RSPO2: variants seen among roughly 807,000 people sequenced by gnomAD.
The protein encoded by RSPO2 is R-spondin 2, also known as R-spondin-2.
A neutral mutation model predicts 30.9 loss-of-function variants in RSPO2; 14 were observed. That is an observed-to-expected ratio of 0.45 (90% CI 0.30 to 0.71). The LOEUF is 0.71. Ranked by LOEUF, RSPO2 falls within the 30% of genes least tolerant of loss-of-function variation. RSPO2 has a pLI of 0.08. For missense variants in RSPO2, 264 were observed against 301.9 expected (o/e 0.87, Z 0.93); for synonymous variants, 107 against 96.4 (o/e 1.11, Z -0.64).
chr8:107,926,429 G>T (rs369962799), intron 5 of RSPO2, among the ~76,000 whole-genome samples: 3 of 151,998 alleles, frequency 2.0e-5, no homozygotes, highest in South Asian at 2.1e-4. Context: ...GTCAATTTTG[G>T]CTTTTGTTGC....
intron 5 of RSPO2, among the ~76,000 whole-genome samples, chr8:107,918,449 C>T (rs947787425): frequency 6.6e-6 from 1 of 152,140 alleles, no homozygotes; most frequent in Admixed American, 6.5e-5. Context: ...AAAGTTGACT[C>T]AGAGTCACTA....
intron 2 of RSPO2, among the ~76,000 whole-genome samples, chr8:108,049,674 T>A (rs1812019759): frequency 6.6e-6 from 1 of 151,956 alleles, no homozygotes; most frequent in Non-Finnish European, 1.5e-5. Flanking sequence ...TGTTCCTGTG[T>A]TAATTTGCTG....
At chr8:108,075,728 A>G (rs1308625243) in intron 2 of RSPO2, among the ~76,000 whole-genome samples, 1 of 151,930 alleles carries the variant, frequency 6.6e-6, no homozygotes, top group Non-Finnish European at 1.5e-5. Flanking sequence ...AAATAATGAG[A>G]ATACCCATAA....
intron 5 of RSPO2, among the ~76,000 whole-genome samples, chr8:107,925,693 T>C (rs1156748040): frequency 6.6e-6 from 1 of 152,062 alleles, no homozygotes; most frequent in Non-Finnish European, 1.5e-5. Flanking sequence ...CTGAGAATGA[T>C]GGTTTCCAGC....
intron 5 of RSPO2, among the ~76,000 whole-genome samples, chr8:107,918,223 A>G (rs1812038708): frequency 6.6e-6 from 1 of 152,190 alleles, no homozygotes; most frequent in African/African-American, 2.4e-5. Flanking sequence ...ATTGAGTAAA[A>G]TATACTCCTA....
intron 2 of RSPO2, among the ~76,000 whole-genome samples, chr8:108,059,722 AATC>A (rs577055552): frequency 0.03 from 4,514 of 150,138 alleles, 261 homozygotes; most frequent in African/African-American, 0.098. Flanking sequence ...TGAAACTGGA[AATC>A]ATCATTCTCA....
rs533171188 is a variant in RSPO2 at position 108,075,504 on chromosome 8, C to T, written c.94+7041G>A. On this transcript the variant is annotated intron_variant, in intron 2 of 5. Coordinates refer to ENST00000276659, the MANE Select transcript of RSPO2 (RefSeq NM_178565.5). ...TCAAAAAAAAAAAAAAGGGTTACCCCACTACCACCAGTTTTCCCTACCATA... is the reference window on the plus strand; with the variant it reads ...TCAAAAAAAAAAAAAAGGGTTACCCTACTACCACCAGTTTTCCCTACCATA... Among the ~76,000 whole-genome samples the T allele has an allele frequency of 2.2e-4, 33 of 151,606 alleles. No individual in the cohort carries two copies. In the South Asian group the frequency reaches 6.9e-3, roughly 32 times the overall value.
intron 3 of RSPO2, among the ~76,000 whole-genome samples, chr8:107,979,035 G>A (rs1295048959): frequency 6.6e-6 from 1 of 152,088 alleles, no homozygotes; most frequent in Non-Finnish European, 1.5e-5. Context: ...GAAACAACAG[G>A]TGCTGGAGAG....
intron 5 of RSPO2, among the ~76,000 whole-genome samples, chr8:107,949,125 T>C (rs1396669382): frequency 1.3e-5 from 2 of 152,096 alleles, no homozygotes; most frequent in Non-Finnish European, 2.9e-5. Flanking sequence ...CCAAGAAGTG[T>C]ACACTGTACT....
At chr8:107,996,537 G>T (rs776117042) in intron 2 of RSPO2, among the ~76,000 whole-genome samples, 3 of 152,162 alleles carry the variant, frequency 2.0e-5, no homozygotes, top group Non-Finnish European at 4.4e-5. Flanking sequence ...AATAAAAGGA[G>T]ATTCTGGAAG....
chr8:108,031,401 TA>T (rs1811418415), intron 2 of RSPO2, among the ~76,000 whole-genome samples: 1 of 152,210 alleles, frequency 6.6e-6, no homozygotes, highest in Admixed American at 6.5e-5. Context: ...ACCAACTTTT[TA>T]AAAAATTGTA....
At chr8:108,003,104 T>G (rs1196224339) in intron 2 of RSPO2, among the ~76,000 whole-genome samples, 2 of 147,812 alleles carry the variant, frequency 1.4e-5, no homozygotes, top group Non-Finnish European at 3.0e-5. Context: ...CAGGCTGGAG[T>G]GCAGTGGTGT....
At chr8:108,035,552 G>A (rs1811568307) in intron 2 of RSPO2, among the ~76,000 whole-genome samples, 1 of 151,992 alleles carries the variant, frequency 6.6e-6, no homozygotes, top group Non-Finnish European at 1.5e-5. Flanking sequence ...CTCACTGCAA[G>A]CTCCACCTCC....
chr8:107,976,724 A>T (rs1814226831), intron 3 of RSPO2, among the ~76,000 whole-genome samples: 3 of 152,196 alleles, frequency 2.0e-5, no homozygotes, highest in Non-Finnish European at 4.4e-5. Flanking sequence ...CCAGTTGTGG[A>T]CTGAGCAAGA....
intron 2 of RSPO2, among the ~76,000 whole-genome samples, chr8:108,065,351 C>T (rs1302317995): frequency 6.6e-6 from 1 of 151,130 alleles, no homozygotes; most frequent in Non-Finnish European, 1.5e-5. Flanking sequence ...AAGCACACAC[C>T]TCCAGTGTTG....
At chr8:107,914,872 T>C (rs985560790) in intron 5 of RSPO2, among the ~76,000 whole-genome samples, 3 of 152,162 alleles carry the variant, frequency 2.0e-5, no homozygotes, top group Admixed American at 2.0e-4. Context: ...AAAAATTAAA[T>C]TCCAGTAATA....
intron 3 of RSPO2, chr8:107,983,924 C>T (rs1486534481): frequency 8.7e-7 from 1 of 1,144,030 alleles, no homozygotes; most frequent in African/African-American, 1.5e-5. Context: ...AGAACTTCCT[C>T]TTATGGAGCT....
intron 2 of RSPO2, among the ~76,000 whole-genome samples, chr8:108,002,018 CATT>C (rs1196324833): frequency 6.6e-6 from 1 of 152,154 alleles, no homozygotes; most frequent in African/African-American, 2.4e-5. Context: ...CAAACATGCA[CATT>C]CTGCACATGT....
chr8:108,050,753 CA>C (rs1586659017), intron 2 of RSPO2, among the ~76,000 whole-genome samples: 2 of 152,154 alleles, frequency 1.3e-5, no homozygotes, highest in African/African-American at 4.8e-5. Flanking sequence ...TCCCTCTCAC[CA>C]CCCTCCACGT....
Sources: allele counts gnomAD v4.1 joint callset (sites outside exome capture counted in the v4.1 genomes callset), GRCh38; gene constraint gnomAD v4.1.1; transcripts MANE v1.5; gene names NCBI Gene and HGNC (gene_info 2026-07-23, HGNC 2026-07-21).